Variants in PTPRN2 observed in about 807,000 individuals in gnomAD.
The protein encoded by PTPRN2 is receptor-type tyrosine-protein phosphatase N2.
In PTPRN2, 74 loss-of-function variants were observed where a neutral mutation model predicts 118.8. The observed-to-expected ratio is 0.62, with a 90% CI of 0.52 to 0.76. The LOEUF is 0.76. Among genes scored for constraint, PTPRN2 ranks in the 30% least tolerant of loss-of-function variants. PTPRN2 has a pLI of 0.00. For synonymous variants in PTPRN2, 641 were observed against 608.0 expected, an observed-to-expected ratio of 1.05 and a Z score of -0.80; for missense variants, 1,481 against 1,394.4, an observed-to-expected ratio of 1.06 and a Z score of -0.99.
At chr7:158,314,977 C>A (rs1802184974) in intron 3 of PTPRN2, among the ~76,000 whole-genome samples, 1 of 143,900 alleles carries the variant, frequency 6.9e-6, no homozygotes, top group African/African-American at 2.6e-5. Flanking sequence ...CCGGGACCCC[C>A]TGAAGGACAG....
rs983394883 is a variant in PTPRN2 at position 158,529,994 on chromosome 7, A to C, written c.113-40209T>G. Among the ~76,000 whole-genome samples, 7 of 152,096 alleles carry C rather than the reference A, an allele frequency of 4.6e-5. No individual in the cohort carries two copies. Among genetic ancestry groups the C allele is most frequent in the African/African-American group, 1.7e-4 (7 of 41,408 alleles). ...ACGCCACACATGCCATACACACCAC[A>C]CGCATGCCACATGCACACCCCTAAC... is the stretch of plus-strand genomic sequence containing the variant. On this transcript the variant is annotated intron_variant, in intron 1 of 22. Transcript: ENST00000389418. The surrounding 1 kb of genome is among the most constrained non-coding windows in gnomAD (Gnocchi z 4.7).
At chr7:157,847,061 T>C (rs1305091368) in intron 12 of PTPRN2, among the ~76,000 whole-genome samples, 19 of 116,064 alleles carry the variant, frequency 1.6e-4, no homozygotes, top group African/African-American at 6.1e-4. Flanking sequence ...CCCTCTCTCA[T>C]TACATCTTCT....
intron 13 of PTPRN2, among the ~76,000 whole-genome samples, chr7:157,666,492 T>A (rs1382303738): frequency 7.2e-6 from 1 of 138,378 alleles, no homozygotes; most frequent in Non-Finnish European, 1.6e-5. Flanking sequence ...TCCAGAGCCA[T>A]TAGTGTGTTA....
intron 17 of PTPRN2, among the ~76,000 whole-genome samples, chr7:157,593,721 T>C (rs1801128646): frequency 6.6e-6 from 1 of 152,096 alleles, no homozygotes; most frequent in African/African-American, 2.4e-5. Flanking sequence ...GTGTGTGCCA[T>C]GCAAAGACCT....
chr7:157,613,617 G>T (rs1434121694), intron 15 of PTPRN2, among the ~76,000 whole-genome samples: 1 of 152,190 alleles, frequency 6.6e-6, no homozygotes, highest in Non-Finnish European at 1.5e-5. Context: ...GGAGGCCGCC[G>T]CGTTCCTTCC....
intron 15 of PTPRN2, among the ~76,000 whole-genome samples, chr7:157,606,276 T>C (rs921915969): frequency 6.6e-6 from 1 of 152,188 alleles, no homozygotes; most frequent in South Asian, 2.1e-4. Context: ...ATCTTCTTCC[T>C]GGGTGCCTAA....
At chr7:157,741,951 C>T (rs572544299) in intron 12 of PTPRN2, among the ~76,000 whole-genome samples, 3 of 152,300 alleles carry the variant, frequency 2.0e-5, no homozygotes, top group South Asian at 2.1e-4. Flanking sequence ...GTGTCAACGA[C>T]GAACCAATAA....
At chr7:157,766,335 TCATC>T (rs1392090235) in intron 12 of PTPRN2, among the ~76,000 whole-genome samples, 15 of 132,948 alleles carry the variant, frequency 1.1e-4, no homozygotes, top group Non-Finnish European at 9.4e-5. Flanking sequence ...CATCCTTCCT[TCATC>T]CATCCATCCA....
intron 10 of PTPRN2, among the ~76,000 whole-genome samples, chr7:158,087,850 C>T (rs1257006258): frequency 1.1e-5 from 1 of 90,506 alleles, no homozygotes; most frequent in Non-Finnish European, 2.8e-5. Flanking sequence ...AACCTTCTTC[C>T]CCTGATGAAG....
intron 12 of PTPRN2, among the ~76,000 whole-genome samples, chr7:157,789,147 C>T (rs147496539): frequency 1.1e-3 from 168 of 152,318 alleles, no homozygotes; most frequent in African/African-American, 3.8e-3. Flanking sequence ...CACTGTCTTC[C>T]GGCGGGCTGG....
At chr7:157,910,552 G>T (rs993590768) in intron 11 of PTPRN2, among the ~76,000 whole-genome samples, 1 of 152,100 alleles carries the variant, frequency 6.6e-6, no homozygotes, top group African/African-American at 2.4e-5. Flanking sequence ...AGGAACGGGC[G>T]CAGAATCACA....
chr7:158,114,662 T>TA (rs1405893163), intron 9 of PTPRN2, among the ~76,000 whole-genome samples: 1 of 151,816 alleles, frequency 6.6e-6, no homozygotes, highest in Non-Finnish European at 1.5e-5. Flanking sequence ...GAATATGCAT[T>TA]AAAAAACCCA....
rs533550758 is a variant in PTPRN2, at chr7:158,144,771, A to G, written c.911-6256T>C. Among the ~76,000 whole-genome samples, 3 of 152,342 alleles carry G rather than the reference A, an allele frequency of 2.0e-5. No homozygotes were observed. The South Asian group carries it at 6.2e-4, about 32-fold the overall frequency. ...GCTGCGGTCTGTGTTTCTAACAGCA[A>G]ACACCGTCACTGTCAACACTGATGA... is the stretch of plus-strand genomic sequence containing the variant. On this transcript the variant is annotated intron_variant, in intron 6 of 22. Transcript: ENST00000389418.
chr7:158,041,023 G>A (rs1808428013), intron 11 of PTPRN2, among the ~76,000 whole-genome samples: 1 of 152,156 alleles, frequency 6.6e-6, no homozygotes, highest in Non-Finnish European at 1.5e-5. Flanking sequence ...GAGCCGCCAC[G>A]CCCGGTCCAC....
chr7:157,721,701 G>A (rs1316441484), intron 12 of PTPRN2, among the ~76,000 whole-genome samples: 2 of 152,186 alleles, frequency 1.3e-5, no homozygotes, highest in African/African-American at 2.4e-5. Context: ...GCTGCAGCAC[G>A]GTTTCCTCAC....
chr7:158,534,724 G>A lies in PTPRN2; in HGVS notation c.113-44939C>T, dbSNP rs535566179. ...CACGTCACACAGTGGCCATCTGCCCGGGCATGTTTCACCTCGGCTGTGCAG... is the reference window on the plus strand; with the variant it reads ...CACGTCACACAGTGGCCATCTGCCCAGGCATGTTTCACCTCGGCTGTGCAG... On this transcript the variant is annotated intron_variant, in intron 1 of 22. Transcript: ENST00000389418. Among the ~76,000 whole-genome samples, 10 of 152,270 alleles carry A rather than the reference G, an allele frequency of 6.6e-5. No homozygotes were observed. In the East Asian group the frequency reaches 9.7e-4, roughly 15 times the overall value.
At chr7:157,623,785 G>A (rs940208812) in intron 14 of PTPRN2, among the ~76,000 whole-genome samples, 2 of 152,124 alleles carry the variant, frequency 1.3e-5, no homozygotes, top group African/African-American at 4.8e-5. Flanking sequence ...AACTGAGATA[G>A]AGCTGACATC....
At chr7:158,000,633 C>T in intron 11 of PTPRN2, among the ~76,000 whole-genome samples, 1 of 94,966 alleles carries the variant, frequency 1.1e-5, no homozygotes. Context: ...GGTCGGGCCG[C>T]AGGTGGGGAG....
Position 158,438,169 on chromosome 7 carries a change from G to C in PTPRN2, c.163+51566C>G, listed in dbSNP as rs1240420958. On this transcript the variant is annotated intron_variant, in intron 2 of 22. Transcript: ENST00000389418. This position sits in a 1 kb window ranked among gnomAD's most constrained non-coding sequence, Gnocchi z 4.7. The stretch of plus-strand genomic sequence containing the variant: ...GAGGTGGGCGGATCACCTGAGGTCA[G>C]GAATTTGAGACCAGCCTGGCCAACA... Among the ~76,000 whole-genome samples the C allele has an allele frequency of 6.6e-6, 1 of 152,126 alleles. No homozygotes were observed. Among genetic ancestry groups the C allele is most frequent in the Non-Finnish European group, 1.5e-5 (1 of 68,024 alleles).
Sources: gnomAD v4.1 joint callset for allele counts (sites outside exome capture counted in the v4.1 genomes callset) on GRCh38, gnomAD v4.1.1 for gene constraint, Gnocchi (gnomAD v3.1) non-coding constraint, MANE v1.5 for transcripts, NCBI Gene and HGNC (gene_info 2026-07-23, HGNC 2026-07-21) for gene names.